The following USP35 variants were observed in gnomAD, a reference collection of about 807,000 sequenced individuals.
USP35 encodes ubiquitin specific peptidase 35.
Under a neutral mutation model 83.8 loss-of-function variants are expected in USP35, and 69 were observed. The ratio of observed to expected loss-of-function variants is 0.82; its 90% confidence interval spans 0.68 to 1.01. The LOEUF is 1.01. USP35 is among the 50% of genes least tolerant of loss of function. The probability of loss-of-function intolerance (pLI) is 0.00; values close to 1 mark genes in which losing one functional copy is unlikely to be tolerated. For synonymous variants in USP35, 714 were observed against 589.5 expected (o/e 1.21, Z -3.06); for missense variants, 1,503 against 1,362.5 (o/e 1.10, Z -1.62).
chr11:78,214,818 C>CAGGGAGCCA lies in USP35; in HGVS notation c.*1008_*1016dup, dbSNP rs1175652522. On this transcript the variant is annotated 3_prime_UTR_variant, in exon 11 of 11. Transcript: ENST00000529308. ...CCCCCCAGTGACGTGTGAGATGCCA[C>CAGGGAGCCA]AGGGAGCCAAGAGCCCTCTACTGAA... is the stretch of plus-strand genomic sequence containing the variant. 6.7e-6 allele frequency: 1 copy of CAGGGAGCCA among 148,402 alleles called. No individual in the cohort carries two copies. Among genetic ancestry groups the CAGGGAGCCA allele is most frequent in the East Asian group, 2.0e-4 (1 of 5,010 alleles). The allele number at this position is 148,402 out of a possible 1,614,324, so 9.2% of individuals were successfully genotyped here.
At chr11:78,201,995 T>A (rs777031534) in intron 6 of USP35, among the ~76,000 whole-genome samples, 1 of 152,132 alleles carries the variant, frequency 6.6e-6, no homozygotes, top group Non-Finnish European at 1.5e-5. Context: ...AAATGCTTGT[T>A]AAAATATAAC....
At chr11:78,227,728 A>G in the USP35 span, among the ~76,000 whole-genome samples, 1 of 151,866 alleles carries the variant, frequency 6.6e-6, no homozygotes, top group African/African-American at 2.4e-5. Context: ...TGAACCCAGA[A>G]GTTCGAAGTT....
chr11:78,221,051 A>G, the USP35 span, among the ~76,000 whole-genome samples: 1 of 152,288 alleles, frequency 6.6e-6, no homozygotes, highest in Middle Eastern at 3.4e-3. Context: ...TTCAGATGAC[A>G]CGCTCTAGGA....
At position 78,196,293 on chromosome 11, in the gene USP35, C is replaced by T. The variant is rs550889688; in HGVS notation, c.48C>T (p.Ser16=). 20 of 1,594,556 alleles carry T rather than the reference C, an allele frequency of 1.3e-5. No individual in the cohort carries two copies. The African/African-American group carries it at 1.6e-4, about 13-fold the overall frequency. ...EAVVTSSYPV[S]VKQGLVRRVL... is the part of the protein sequence containing the mutation. The stretch of plus-strand genomic sequence containing the variant: ...TGGTGACGTCGTCATACCCGGTCAG[C>T]GTGAAGCAGGGGCTGGTTCGGCGCG... The change falls in exon 2 of 11, where the codon AGC becomes AGT. Residue 16 remains serine (S), a synonymous_variant. Coordinates refer to ENST00000529308, the MANE Select transcript of USP35 (RefSeq NM_020798.4). The surrounding 1 kb of genome is among the most constrained non-coding windows in gnomAD (Gnocchi z 4.8).
the USP35 span, chr11:78,221,728 C>G: frequency 1.9e-6 from 3 of 1,613,852 alleles, no homozygotes; most frequent in Admixed American, 3.3e-5. Context: ...TGGTGATGCT[C>G]TGGGTGGAGA....
chr11:78,224,647 C>A, the USP35 span, among the ~76,000 whole-genome samples: 1 of 152,214 alleles, frequency 6.6e-6, no homozygotes, highest in Admixed American at 6.5e-5. Context: ...TTGCCTGACA[C>A]CTTGGAGAAC....
downstream of USP35, chr11:78,215,472 A>C (rs1864075151): frequency 6.5e-6 from 1 of 152,696 alleles, no homozygotes; most frequent in African/African-American, 2.4e-5. Flanking sequence ...ATACAACAGA[A>C]TAAATTAATA....
the USP35 span, chr11:78,222,087 C>A: frequency 5.8e-6 from 9 of 1,546,922 alleles, no homozygotes; most frequent in Non-Finnish European, 8.0e-6. Flanking sequence ...GCTCCCACCC[C>A]CACACATACG....
rs770997075 is a variant in USP35, at chr11:78,209,505, C to T, written c.1650C>T (p.Ser550=). Residue 550 remains serine (S), a synonymous_variant, in exon 10 of 11, where the codon AGC becomes AGT. Transcript: ENST00000529308. ...TRICQKLKQS[S]SPSPPEEPPA... is the part of the protein sequence containing the mutation. ...TCTGCCAGAAACTCAAGCAGTCCAG[C>T]TCGCCCTCTCCGCCCGAGGAGCCCC... 1.9e-6 allele frequency: 3 copies of T among 1,613,798 alleles called. No individual in the cohort carries two copies. In the South Asian group the frequency reaches 3.3e-5, roughly 18 times the overall value.
At chr11:78,228,771 C>G in the USP35 span, among the ~76,000 whole-genome samples, 2 of 145,524 alleles carry the variant, frequency 1.4e-5, no homozygotes, top group African/African-American at 5.2e-5. Context: ...AGCCAACAGC[C>G]ATGGGCTTGG....
chr11:78,203,630 G>A (rs1457564907), intron 6 of USP35, among the ~76,000 whole-genome samples: 2 of 151,840 alleles, frequency 1.3e-5, no homozygotes, highest in Non-Finnish European at 2.9e-5. Flanking sequence ...CCAGGCTGGA[G>A]TGCAGTGGCG....
rs1863650807 is a variant in USP35 at position 78,209,472 on chromosome 11, C to G, written c.1617C>G (p.Gly539=). 6.2e-7 allele frequency: 1 copy of G among 1,609,714 alleles called. No individual in the cohort carries two copies. Among genetic ancestry groups the G allele is most frequent in the Non-Finnish European group, 8.5e-7 (1 of 1,177,334 alleles). ...LDRLHEEEKT[G]TRICQKLKQS... ...GGCTGCACGAAGAGGAGAAAACGGG[C>G]ACAAGGATCTGCCAGAAACTCAAGC... The change falls in exon 10 of 11, where the codon GGC becomes GGG. Residue 539 remains glycine, a synonymous_variant. Transcript: ENST00000529308.
rs761728035 is a variant in USP35 at position 78,210,538 on chromosome 11, G to T, written c.2683G>T (p.Asp895Tyr). The T allele has an allele frequency of 5.0e-6, 8 of 1,613,150 alleles. No homozygotes were observed. In the South Asian group the frequency reaches 6.6e-5, roughly 13 times the overall value. ...EPENQWYLFN[D>Y]TRVSFSSFES... ...CGAGAACCAGTGGTACCTGTTCAAT[G>T]ACACTCGGGTGTCCTTCTCTTCCTT... Residue 895 changes from aspartate (D) to tyrosine (Y), a missense_variant, in exon 10 of 11, where the codon GAC becomes TAC. Physicochemically the swap from Asp to Tyr is radical, Grantham distance 160. Coordinates refer to ENST00000529308, the MANE Select transcript of USP35 (RefSeq NM_020798.4).
At chr11:78,204,524 A>G (rs539621894) in intron 6 of USP35, among the ~76,000 whole-genome samples, 3 of 152,300 alleles carry the variant, frequency 2.0e-5, no homozygotes, top group Admixed American at 6.5e-5. Context: ...GAACAAAGTT[A>G]CCTTCTTTGG....
In USP35 at chr11:78,199,480, T is replaced by C. The variant is rs1863268282; in HGVS notation, c.807-115T>C. 2.0e-6 allele frequency: 3 copies of C among 1,503,038 alleles called. No homozygotes were observed. The South Asian group carries it at 3.7e-5, about 19-fold the overall frequency. 93.1% of individuals were successfully genotyped at this position (1,503,038 alleles called of 1,614,324 possible). On this transcript the variant is annotated intron_variant, in intron 3 of 10. Transcript: ENST00000529308. ...AGCCCACAGACCCCGGGGCTGCCCT[T>C]TGCAGGTGTGAGTCAATGTGGGAAC...
the USP35 span, among the ~76,000 whole-genome samples, chr11:78,224,547 A>C: frequency 6.6e-6 from 1 of 152,280 alleles, no homozygotes; most frequent in African/African-American, 2.4e-5. Context: ...CTCTTGCTCT[A>C]TCTGCCGTGA....
the USP35 span, among the ~76,000 whole-genome samples, chr11:78,231,336 G>GTGGTGTGTGTGTGTGTGTGTGT: frequency 6.9e-6 from 1 of 145,796 alleles, no homozygotes; most frequent in African/African-American, 2.6e-5. Flanking sequence ...GCGCGTGTGT[G>GTGGTGTGTGTGTGTGTGTGTGT]GTGTGTGTGT....
At chr11:78,235,186 T>G in the USP35 span, among the ~76,000 whole-genome samples, 21 of 152,124 alleles carry the variant, frequency 1.4e-4, no homozygotes, top group Admixed American at 1.1e-3. Context: ...AGAGTCTCAC[T>G]CTGTCGCCCA....
At chr11:78,197,625 C>CA (rs1350945124) in intron 2 of USP35, among the ~76,000 whole-genome samples, 1 of 152,212 alleles carries the variant, frequency 6.6e-6, no homozygotes, top group Admixed American at 6.5e-5. Context: ...CTCCTTCCTC[C>CA]AGTCCACGCA....
Sources: allele counts gnomAD v4.1 joint callset (sites outside exome capture counted in the v4.1 genomes callset), GRCh38; gene constraint gnomAD v4.1.1; non-coding constraint Gnocchi (gnomAD v3.1); transcripts MANE v1.5; gene names NCBI Gene and HGNC (gene_info 2026-07-23, HGNC 2026-07-21).